Variants in SLC16A10 observed in about 807,000 individuals in gnomAD.
SLC16A10 encodes the protein monocarboxylate transporter 10.
Under a neutral mutation model 40.0 loss-of-function variants are expected in SLC16A10, and 27 were observed. That is an observed-to-expected ratio of 0.67 (90% CI 0.50 to 0.93). SLC16A10 has a LOEUF of 0.93. Ranked by LOEUF, SLC16A10 falls within the 40% of genes least tolerant of loss-of-function variation. The pLI is 0.00. For missense variants in SLC16A10, 529 were observed against 658.2 expected (o/e 0.80, Z 2.15); for synonymous variants, 213 against 249.8 (o/e 0.85, Z 1.39).
At chr6:111,170,273 A>C (rs1772560766) in intron 1 of SLC16A10, among the ~76,000 whole-genome samples, 2 of 152,002 alleles carry the variant, frequency 1.3e-5, no homozygotes, top group Admixed American at 6.5e-5. Flanking sequence ...CAATATAAGG[A>C]TATGCTCTTG....
chr6:111,110,425 T>C (rs1287464267), intron 1 of SLC16A10, among the ~76,000 whole-genome samples: 1 of 150,816 alleles, frequency 6.6e-6, no homozygotes, highest in Non-Finnish European at 1.5e-5. Flanking sequence ...GGAGGTGAAG[T>C]TACTAAAGGT....
At chr6:111,206,773 C>T (rs762604005) in intron 4 of SLC16A10, 38 bp downstream of exon 4, 10 of 1,599,620 alleles carry the variant, frequency 6.3e-6, no homozygotes, top group Admixed American at 1.8e-5. Flanking sequence ...TCAAAAATTA[C>T]TCTCATCACC....
intron 1 of SLC16A10, among the ~76,000 whole-genome samples, chr6:111,096,823 C>T (rs938601547): frequency 6.6e-6 from 1 of 151,564 alleles, no homozygotes; most frequent in African/African-American, 2.4e-5. Flanking sequence ...TCTTTCTTTT[C>T]TTTTTTTTGT....
intron 1 of SLC16A10, among the ~76,000 whole-genome samples, chr6:111,115,683 G>T (rs1010352606): frequency 2.0e-5 from 3 of 152,166 alleles, no homozygotes; most frequent in Admixed American, 2.0e-4. Flanking sequence ...AAAGGGTCAG[G>T]AGTACCTTGA....
intron 1 of SLC16A10, among the ~76,000 whole-genome samples, chr6:111,133,835 C>CA (rs1294369849): frequency 6.6e-6 from 1 of 152,150 alleles, no homozygotes; most frequent in Non-Finnish European, 1.5e-5. Context: ...ATGCACCCTC[C>CA]AAGCGGTGGG....
In SLC16A10 at chr6:111,226,439, T is replaced by C. The variant is rs945113767; in HGVS notation, c.*4204T>C. On this transcript the variant is annotated 3_prime_UTR_variant, in exon 6 of 6. Coordinates refer to ENST00000368851, the MANE Select transcript of SLC16A10 (RefSeq NM_018593.5). ...GAGATACAAGTAGAAATGCATAAGCTAATTAGCTCCAATTTTATAATATGT... is the reference window on the plus strand; with the variant it reads ...GAGATACAAGTAGAAATGCATAAGCCAATTAGCTCCAATTTTATAATATGT... 6.6e-6 allele frequency: 1 copy of C among 152,214 alleles called. No individual in the cohort carries two copies. The highest frequency in any genetic ancestry group is 1.9e-4 in the East Asian group (1 of 5,200). 9.4% of individuals were successfully genotyped at this position (152,214 alleles called of 1,614,324 possible). A position where few individuals can be genotyped will look rare whatever the true frequency, so the allele number is the denominator to read the frequency against.
In SLC16A10 at chr6:111,177,998, ACT is replaced by A. The variant is rs546829265; in HGVS notation, c.942+336_942+337del. Among the ~76,000 whole-genome samples the A allele has an allele frequency of 2.5e-3, 381 of 152,218 alleles. 2 individuals are homozygous for A. Among genetic ancestry groups the A allele is most frequent in the African/African-American group, 8.7e-3 (360 of 41,538 alleles). On this transcript the variant is annotated intron_variant, in intron 3 of 5. Coordinates refer to ENST00000368851, the MANE Select transcript of SLC16A10 (RefSeq NM_018593.5). Reference sequence around the variant, plus strand: ...AATCCAGCCTAGACAACATAGAGAGACTCTACCTCTAAAAATAAAATAAATGT... The same window carrying A: ...AATCCAGCCTAGACAACATAGAGAGACTACCTCTAAAAATAAAATAAATGT...
chr6:111,150,452 C>T (rs769032840), intron 1 of SLC16A10, among the ~76,000 whole-genome samples: 7 of 152,104 alleles, frequency 4.6e-5, no homozygotes, highest in Middle Eastern at 3.2e-3. Context: ...ATTTTAAATC[C>T]CAGATATCGA....
At chr6:111,209,278 C>G (rs1430167548) in intron 4 of SLC16A10, among the ~76,000 whole-genome samples, 1 of 152,006 alleles carries the variant, frequency 6.6e-6, no homozygotes, top group Non-Finnish European at 1.5e-5. Flanking sequence ...GGCATCTAGG[C>G]AGGAAGAACC....
rs1474618534 is a variant in SLC16A10 at position 111,227,122 on chromosome 6, T to C, written c.*4887T>C. On this transcript the variant is annotated 3_prime_UTR_variant, in exon 6 of 6. Transcript: ENST00000368851. ...GCCTGGGTGACAAAATGAGACCTTG[T>C]CTACAAAAAGGAAAAAAAAATTTGT... is the stretch of plus-strand genomic sequence containing the variant. 1 of 152,202 alleles carries C rather than the reference T, an allele frequency of 6.6e-6. No individual in the cohort carries two copies. The highest frequency in any genetic ancestry group is 6.5e-5 in the Admixed American group (1 of 15,288). The allele number at this position is 152,202 out of a possible 1,614,324, so 9.4% of individuals were successfully genotyped here. A position where few individuals can be genotyped will look rare whatever the true frequency, so the allele number is the denominator to read the frequency against.
chr6:111,135,040 G>A (rs528531752), intron 1 of SLC16A10, among the ~76,000 whole-genome samples: 5 of 152,286 alleles, frequency 3.3e-5, no homozygotes, highest in African/African-American at 1.2e-4. Context: ...ACTAAGTTGT[G>A]ACTGGGGAAC....
intron 3 of SLC16A10, among the ~76,000 whole-genome samples, chr6:111,202,184 A>G (rs1290783289): frequency 6.6e-6 from 1 of 152,246 alleles, no homozygotes; most frequent in East Asian, 1.9e-4. Context: ...GGTCAGAAAC[A>G]GTTACCCACG....
intron 1 of SLC16A10, among the ~76,000 whole-genome samples, chr6:111,148,483 G>A (rs1235062823): frequency 6.6e-6 from 1 of 152,200 alleles, no homozygotes; most frequent in Non-Finnish European, 1.5e-5. Context: ...TATTTGACAG[G>A]CCAACAATTA....
intron 1 of SLC16A10, among the ~76,000 whole-genome samples, chr6:111,153,030 G>A (rs2114517586): frequency 6.6e-6 from 1 of 152,292 alleles, no homozygotes; most frequent in East Asian, 1.9e-4. Context: ...AGTGGCAATG[G>A]TGGTAATTAA....
At chr6:111,158,334 G>A (rs949603004) in intron 1 of SLC16A10, among the ~76,000 whole-genome samples, 11 of 152,068 alleles carry the variant, frequency 7.2e-5, no homozygotes, top group Admixed American at 3.3e-4. Flanking sequence ...TAGATCGTCA[G>A]TCCCCAGACT....
intron 1 of SLC16A10, among the ~76,000 whole-genome samples, chr6:111,136,616 C>G (rs1216931445): frequency 6.6e-6 from 1 of 152,204 alleles, no homozygotes; most frequent in East Asian, 1.9e-4. Context: ...AAAGATAGAA[C>G]AGAACTGTCA....
intron 1 of SLC16A10, among the ~76,000 whole-genome samples, chr6:111,089,259 AAACT>A (rs1448596017): frequency 6.6e-6 from 1 of 152,234 alleles, no homozygotes; most frequent in Non-Finnish European, 1.5e-5. Context: ...AAATACTATT[AAACT>A]ATTTGTATCA....
intron 1 of SLC16A10, among the ~76,000 whole-genome samples, chr6:111,163,785 CATTT>C (rs1334311442): frequency 6.6e-6 from 1 of 152,134 alleles, no homozygotes; most frequent in African/African-American, 2.4e-5. Context: ...TACCATAAGT[CATTT>C]ATTTAGCCAA....
At chr6:111,092,408 C>A (rs1043327471) in intron 1 of SLC16A10, among the ~76,000 whole-genome samples, 2 of 150,524 alleles carry the variant, frequency 1.3e-5, no homozygotes, top group Non-Finnish European at 3.0e-5. Context: ...CAACCACTGC[C>A]TCCCGGATGC....
Sources: allele counts gnomAD v4.1 joint callset (sites outside exome capture counted in the v4.1 genomes callset), GRCh38; gene constraint gnomAD v4.1.1; transcripts MANE v1.5; gene names NCBI Gene and HGNC (gene_info 2026-07-23, HGNC 2026-07-21).